Variants in TNRC6B observed in about 807,000 individuals in gnomAD.
TNRC6B encodes the protein trinucleotide repeat containing adaptor 6B.
Under a neutral mutation model 203.6 loss-of-function variants are expected in TNRC6B, and 52 were observed. The ratio of observed to expected loss-of-function variants is 0.26; its 90% CI spans 0.20 to 0.32. The LOEUF (loss-of-function observed/expected upper bound fraction) is 0.32, where lower values mean the gene tolerates loss of function less well. Ranked by LOEUF, TNRC6B falls within the 10% of genes least tolerant of loss-of-function variation. TNRC6B has a pLI of 1.00. For missense variants in TNRC6B, 1,923 were observed against 2,286.2 expected, an observed-to-expected ratio of 0.84 and a Z score of 3.24; for synonymous variants, 838 against 845.7, an observed-to-expected ratio of 0.99 and a Z score of 0.16.
chr22:40,155,218 A>G (rs1436494932), intron 3 of TNRC6B, among the ~76,000 whole-genome samples: 5 of 152,146 alleles, frequency 3.3e-5, no homozygotes, highest in Admixed American at 1.3e-4. Context: ...GTATATACCT[A>G]TAAGTAAGTG....
chr22:40,163,939 C>T (rs534399223), intron 4 of TNRC6B, among the ~76,000 whole-genome samples: 7 of 152,008 alleles, frequency 4.6e-5, no homozygotes, highest in Non-Finnish European at 8.8e-5. Flanking sequence ...GGATGGATTT[C>T]TGTTGTCTTG....
intron 1 of TNRC6B, among the ~76,000 whole-genome samples, chr22:40,113,700 A>C (rs1444244939): frequency 6.6e-6 from 1 of 152,136 alleles, no homozygotes; most frequent in Non-Finnish European, 1.5e-5. Flanking sequence ...TTAATTAACT[A>C]GATATCTTCT....
At chr22:40,298,175 C>A (rs1031090658) in intron 12 of TNRC6B, among the ~76,000 whole-genome samples, 5 of 150,586 alleles carry the variant, frequency 3.3e-5, no homozygotes, top group African/African-American at 7.3e-5. Flanking sequence ...TTAAAAAAAA[C>A]CCAGCTACAT....
chr22:40,079,952 C>T (rs1360948115), intron 1 of TNRC6B, among the ~76,000 whole-genome samples: 4 of 152,130 alleles, frequency 2.6e-5, no homozygotes, highest in East Asian at 3.9e-4. Context: ...CCTGCCACCA[C>T]GCCTGGCTAA....
intron 15 of TNRC6B, 137 bp downstream of exon 15, chr22:40,301,470 A>T: frequency 1.0e-6 from 1 of 965,198 alleles, no homozygotes; most frequent in Non-Finnish European, 1.5e-6. Flanking sequence ...TGGTTTACAG[A>T]TGAGACATCT....
intron 1 of TNRC6B, among the ~76,000 whole-genome samples, chr22:40,215,077 T>C (rs142530595): frequency 0.014 from 2,153 of 152,240 alleles, 181 homozygotes; most frequent in Admixed American, 0.12. Flanking sequence ...TTTTTAACCT[T>C]TTAACATCTT....
chr22:40,145,960 G>A (rs1415044706), intron 3 of TNRC6B, among the ~76,000 whole-genome samples: 3 of 152,160 alleles, frequency 2.0e-5, no homozygotes, highest in East Asian at 1.9e-4. Context: ...GGCTGGAAAC[G>A]TGATAGGTTA....
intron 1 of TNRC6B, among the ~76,000 whole-genome samples, chr22:40,191,820 A>G (rs1043849470): frequency 2.6e-5 from 4 of 152,190 alleles, no homozygotes; most frequent in Admixed American, 2.6e-4. Flanking sequence ...GCACGATCTC[A>G]GCTCACTGCA....
At chr22:40,249,791 A>C (rs2070161053) in intron 2 of TNRC6B, among the ~76,000 whole-genome samples, 3 of 152,234 alleles carry the variant, frequency 2.0e-5, no homozygotes. Flanking sequence ...GAAAAATTAC[A>C]CAAGAATATT....
rs2071470803 is a variant in TNRC6B at position 40,331,778 on chromosome 22, A to AGGG, written c.*8538_*8540dup. 2.7e-6 allele frequency: 1 copy of AGGG among 366,166 alleles called. No individual in the cohort carries two copies. The highest frequency in any genetic ancestry group is 4.7e-5 in the Admixed American group (1 of 21,220). 22.7% of individuals were successfully genotyped at this position (366,166 alleles called of 1,614,324 possible). A position where few individuals can be genotyped will look rare whatever the true frequency, so the allele number is the denominator to read the frequency against. On this transcript the variant is annotated 3_prime_UTR_variant, in exon 23 of 23. Coordinates refer to ENST00000454349, the MANE Select transcript of TNRC6B (RefSeq NM_001162501.2). ...TGGGGAGGAGAGGGCAGAAAGGGGA[A>AGGG]GGGAGTAGCGTTGCATCCTTGTTCT... is the stretch of plus-strand genomic sequence containing the variant.
Position 40,332,491 on chromosome 22 carries a change from A to G in TNRC6B, c.*9250A>G, listed in dbSNP as rs2146595036. On this transcript the variant is annotated 3_prime_UTR_variant, in exon 23 of 23. Coordinates refer to ENST00000454349, the MANE Select transcript of TNRC6B (RefSeq NM_001162501.2). ...CTAGGCATTATTTGCAACACACAGT[A>G]TCGTAAGCGAGAGATTGTTCTGCCT... 6.5e-6 allele frequency: 1 copy of G among 152,754 alleles called. No homozygotes were observed. The allele number at this position is 152,754 out of a possible 1,614,324, so 9.5% of individuals were successfully genotyped here.
chr22:40,268,715 T>C (rs1293880977), intron 5 of TNRC6B, among the ~76,000 whole-genome samples: 3 of 151,732 alleles, frequency 2.0e-5, no homozygotes, highest in African/African-American at 7.3e-5. Context: ...ATCGAGACCA[T>C]CTTGGCTAAC....
intron 1 of TNRC6B, among the ~76,000 whole-genome samples, chr22:40,062,200 CTTTA>C (rs1414182280): frequency 2.0e-5 from 3 of 151,952 alleles, no homozygotes; most frequent in African/African-American, 2.4e-5. Flanking sequence ...TTAAATTTTA[CTTTA>C]TTTATTTATT....
At chr22:40,125,524 T>A (rs2068483488) in intron 2 of TNRC6B, among the ~76,000 whole-genome samples, 2 of 152,126 alleles carry the variant, frequency 1.3e-5, no homozygotes, top group Non-Finnish European at 2.9e-5. Context: ...GCTATTAATA[T>A]CCCAATGCTG....
intron 4 of TNRC6B, among the ~76,000 whole-genome samples, chr22:40,167,561 G>T (rs899513837): frequency 2.6e-5 from 4 of 152,048 alleles, no homozygotes; most frequent in Non-Finnish European, 5.9e-5. Context: ...AAATGGTTAA[G>T]ATGATCAGTT....
At chr22:40,246,776 T>G (rs955473707) in intron 2 of TNRC6B, among the ~76,000 whole-genome samples, 1 of 152,146 alleles carries the variant, frequency 6.6e-6, no homozygotes, top group Non-Finnish European at 1.5e-5. Context: ...TTTGCCCCGG[T>G]GTTCTTTTGT....
Position 40,332,562 on chromosome 22 carries a change from A to G in TNRC6B, c.*9321A>G, listed in dbSNP as rs1010561886. Reference sequence around the variant, plus strand: ...AGCAATTCTTCTTGTTGACGTTCACAGTACTGTAACGAGTAACAGACTTGA... The same window carrying G: ...AGCAATTCTTCTTGTTGACGTTCACGGTACTGTAACGAGTAACAGACTTGA... On this transcript the variant is annotated 3_prime_UTR_variant, in exon 23 of 23. Coordinates refer to ENST00000454349, the MANE Select transcript of TNRC6B (RefSeq NM_001162501.2). 2.0e-5 allele frequency: 3 copies of G among 152,662 alleles called. No homozygotes were observed. Among genetic ancestry groups the G allele is most frequent in the Non-Finnish European group, 2.9e-5 (2 of 68,056 alleles). The allele number at this position is 152,662 out of a possible 1,614,324, so 9.5% of individuals were successfully genotyped here.
At chr22:40,232,952 C>T (rs2069895719) in intron 1 of TNRC6B, among the ~76,000 whole-genome samples, 1 of 151,982 alleles carries the variant, frequency 6.6e-6, no homozygotes, top group Admixed American at 6.6e-5. Context: ...GAGATCAAGA[C>T]CATCCTGGCC....
intron 1 of TNRC6B, among the ~76,000 whole-genome samples, chr22:40,091,281 C>T (rs1386945563): frequency 6.6e-6 from 1 of 152,006 alleles, no homozygotes; most frequent in African/African-American, 2.4e-5. Context: ...TATTGGATAC[C>T]ACTTGCTAAC....
Sources: allele counts gnomAD v4.1 joint callset (sites outside exome capture counted in the v4.1 genomes callset), GRCh38; gene constraint gnomAD v4.1.1; transcripts MANE v1.5; gene names NCBI Gene and HGNC (gene_info 2026-07-23, HGNC 2026-07-21).